Variants in NLRP9 observed in about 807,000 individuals in gnomAD.
The protein encoded by NLRP9 is NACHT, LRR and PYD domains-containing protein 9.
A neutral mutation model predicts 83.1 loss-of-function variants in NLRP9; 88 were observed. The ratio of observed to expected loss-of-function variants is 1.06; its 90% CI spans 0.89 to 1.26. The LOEUF is 1.26. Ranked by LOEUF, NLRP9 falls within the 50% of genes most tolerant of loss-of-function variation. The probability of loss-of-function intolerance (pLI) is 0.00; values close to 1 mark genes in which losing one functional copy is unlikely to be tolerated. For missense variants in NLRP9, 1,308 were observed against 1,179.3 expected (o/e 1.11, Z -1.60); for synonymous variants, 521 against 447.6 (o/e 1.16, Z -2.07).
intron 7 of NLRP9, 129 bp from the exon 8 acceptor site, chr19:55,712,099 A>G (rs1987756275): frequency 4.4e-6 from 4 of 919,484 alleles, no homozygotes; most frequent in Middle Eastern, 2.3e-4. Flanking sequence ...CTTCTCAGCC[A>G]GGACGATTGT....
In NLRP9 at chr19:55,733,298, C is replaced by A. The variant is rs1411142168; in HGVS notation, c.533G>T (p.Arg178Met). ...DWAEGNLWKD[R>M]FTFVFFLNVC... The stretch of plus-strand genomic sequence containing the variant: ...ATTGAGGAAAAACACAAATGTGAAC[C>A]TGTCCTTCCATAAGTTTCCCTCTGC... The change falls in exon 2 of 9, where the codon AGG becomes ATG. Residue 178 changes from arginine (R) to methionine (M), a missense_variant. Physicochemically the swap from Arg to Met is moderately conservative, Grantham distance 91 (BLOSUM62 -1). Transcript: ENST00000332836. 8.7e-6 allele frequency: 14 copies of A among 1,614,042 alleles called. No individual in the cohort carries two copies. The highest frequency in any genetic ancestry group is 1.2e-5 in the Non-Finnish European group (14 of 1,179,878).
intron 3 of NLRP9, among the ~76,000 whole-genome samples, chr19:55,725,059 C>CA (rs892540998): frequency 9.2e-5 from 14 of 151,394 alleles, no homozygotes; most frequent in Non-Finnish European, 1.8e-4. Flanking sequence ...AACTGTGTCT[C>CA]AAAAAAAAGA....
rs759583921 is a variant in NLRP9 at position 55,715,067 on chromosome 19, A to G, written c.2489T>C (p.Ile830Thr). The change falls in exon 6 of 9, where the codon ATA becomes ACA. Residue 830 changes from isoleucine to threonine, a missense_variant. By Grantham distance (89) the Ile-to-Thr change is moderately conservative. Transcript: ENST00000332836. ...CAALKHPGCS[I>T]RELWLMGCFL... ...TGGCCGGTCCTACCACAGCTCCCGT[A>G]TGCTGCAGCCTGGGTGCTTCAGCGC... 7.4e-6 allele frequency: 12 copies of G among 1,610,850 alleles called. No individual in the cohort carries two copies. In the Admixed American group the frequency reaches 1.8e-4, roughly 25 times the overall value.
intron 3 of NLRP9, 22 bp from the exon 4 acceptor site, chr19:55,724,166 A>AG (rs1988328323): frequency 1.3e-6 from 2 of 1,556,360 alleles, no homozygotes; most frequent in Admixed American, 3.5e-5. Context: ...TAAAAAAAAA[A>AG]TAGCATCATG....
chr19:55,719,042 G>C (rs111299396), intron 4 of NLRP9, among the ~76,000 whole-genome samples: 168 of 152,324 alleles, frequency 1.1e-3, no homozygotes, highest in African/African-American at 3.8e-3. Flanking sequence ...CCACACGGTA[G>C]GAGCTCAGTC....
rs1239402181 is a variant in NLRP9, at chr19:55,720,344, A to C, written c.2160-3446T>G. Reference sequence around the variant, plus strand: ...TTGGAAACAATTATTTTCTTTTGAGACGTGGTCTCACCCTGTCACTCAGGT... The same window carrying C: ...TTGGAAACAATTATTTTCTTTTGAGCCGTGGTCTCACCCTGTCACTCAGGT... On this transcript the variant is annotated intron_variant, in intron 4 of 8. Coordinates refer to ENST00000332836, the MANE Select transcript of NLRP9 (RefSeq NM_176820.4). Among the ~76,000 whole-genome samples, 3 of 152,136 alleles carry C rather than the reference A, an allele frequency of 2.0e-5. No individual in the cohort carries two copies. The East Asian group carries it at 5.8e-4, about 29-fold the overall frequency.
intron 6 of NLRP9, 131 bp downstream of exon 6, chr19:55,714,924 G>A (rs1200098071): frequency 3.7e-6 from 3 of 802,486 alleles, no homozygotes; most frequent in Non-Finnish European, 5.9e-6. Flanking sequence ...TGGGGGTGAG[G>A]ACCCAACATA....
At chr19:55,736,387 T>C (rs928804767) in intron 1 of NLRP9, among the ~76,000 whole-genome samples, 1 of 152,004 alleles carries the variant, frequency 6.6e-6, no homozygotes, top group African/African-American at 2.4e-5. Flanking sequence ...CGAGACTCCG[T>C]CTCAAAAAAG....
intron 6 of NLRP9, 136 bp from the exon 7 acceptor site, chr19:55,712,726 G>C (rs1234829696): frequency 3.6e-5 from 20 of 554,396 alleles, no homozygotes; most frequent in South Asian, 3.5e-4. Context: ...GGAGGGGAAG[G>C]AGGAGAGAAG....
Position 55,711,103 on chromosome 19 carries a change from C to CAA in NLRP9, c.2843+695_2843+696dup, listed in dbSNP as rs1399591300. Among the ~76,000 whole-genome samples, 297 of 122,236 alleles carry CAA rather than the reference C, an allele frequency of 2.4e-3. 1 individual carries two copies. Among genetic ancestry groups the CAA allele is most frequent in the Non-Finnish European group, 4.1e-3 (241 of 58,932 alleles). The allele number at this position is 122,236 out of a possible 152,430, so 80.2% of individuals were successfully genotyped here. A position where few individuals can be genotyped will look rare whatever the true frequency, so the allele number is the denominator to read the frequency against. On this transcript the variant is annotated intron_variant, in intron 8 of 8. Coordinates refer to ENST00000332836, the MANE Select transcript of NLRP9 (RefSeq NM_176820.4). ...TCTGCCTCAAAAAAACAAAACAAAA[C>CAA]AAAACAAAAAAAAAACCTTAAACAA... is the stretch of plus-strand genomic sequence containing the variant.
In NLRP9 at chr19:55,730,007, A is replaced by G; in HGVS notation, c.1833-15T>C. 9 of 1,606,286 alleles carry G rather than the reference A, an allele frequency of 5.6e-6. No individual in the cohort carries two copies. The highest frequency in any genetic ancestry group is 6.0e-6 in the Non-Finnish European group (7 of 1,176,184). On this transcript the variant is annotated splice_polypyrimidine_tract_variant and intron_variant, in intron 2 of 8. Transcript: ENST00000332836. ...TCTCATTGTAACTATGAGAGAACAA[A>G]GATTGTGATTCTCCAGTGGCTAAAC...
At chr19:55,714,793 C>T (rs564961743) in intron 6 of NLRP9, among the ~76,000 whole-genome samples, 4 of 152,230 alleles carry the variant, frequency 2.6e-5, no homozygotes, top group Admixed American at 6.6e-5. Context: ...CATTTTCTCA[C>T]GGCGTCCACA....
intron 3 of NLRP9, among the ~76,000 whole-genome samples, chr19:55,726,928 C>A (rs1480752645): frequency 6.6e-6 from 1 of 152,178 alleles, no homozygotes; most frequent in Non-Finnish European, 1.5e-5. Flanking sequence ...CTGTCTCTAT[C>A]ATTTCTGGAC....
chr19:55,723,406 C>T (rs1022221783), intron 4 of NLRP9, among the ~76,000 whole-genome samples: 5 of 151,988 alleles, frequency 3.3e-5, no homozygotes, highest in African/African-American at 4.8e-5. Context: ...AGGGCAGAAC[C>T]AGGAAGTATC....
chr19:55,732,409 G>T lies in NLRP9; in HGVS notation c.1422C>A (p.Thr474=), dbSNP rs1285237786. The T allele has an allele frequency of 6.2e-7, 1 of 1,614,072 alleles. No individual in the cohort carries two copies. The highest frequency in any genetic ancestry group is 1.3e-5 in the African/African-American group (1 of 74,918). The change falls in exon 2 of 9, where the codon ACC becomes ACA. Residue 474 remains threonine, a synonymous_variant. Transcript: ENST00000332836. ...GAACCACACTTGCTCTTACAAGCTG[G>T]GTTATGCTTCCAATGGCCGGGTTAG... The part of the protein sequence containing the change: ...DDPNPAIGSI[T]QLVRASVVQP...
chr19:55,731,741 A>T (rs894853930), intron 2 of NLRP9, among the ~76,000 whole-genome samples: 1 of 133,806 alleles, frequency 7.5e-6, no homozygotes, highest in Non-Finnish European at 1.6e-5. Context: ...AAAAAAAAAA[A>T]GTCCTGCTAG....
Position 55,729,831 on chromosome 19 carries a change from A to T in NLRP9, c.1994T>A (p.Ile665Lys). 2 of 1,609,828 alleles carry T rather than the reference A, an allele frequency of 1.2e-6. No homozygotes were observed. Among genetic ancestry groups the T allele is most frequent in the South Asian group, 1.1e-5 (1 of 90,652 alleles). ...AAGGACAGGTTAACATAAAACTTAC[A>T]TGAGTTTTCGGAGTTTACAAACAGG... ...AQPVCKLRKL[I>K]FTSVYFGHDS... Residue 665 changes from isoleucine to lysine, a missense_variant and splice_region_variant, in exon 3 of 9, where the codon ATA becomes AAA. By Grantham distance (102) the Ile-to-Lys change is moderately radical. Transcript: ENST00000332836.
chr19:55,717,555 C>T lies in NLRP9; in HGVS notation c.2160-657G>A, dbSNP rs143727222. ...CGTCCTTTAGTGAACAGGACAGACC[C>T]TGCCACAAAGAAGTATCCAGAACTC... is the stretch of plus-strand genomic sequence containing the variant. On this transcript the variant is annotated intron_variant, in intron 4 of 8. Coordinates refer to ENST00000332836, the MANE Select transcript of NLRP9 (RefSeq NM_176820.4). Among the ~76,000 whole-genome samples the T allele has an allele frequency of 2.9e-3, 444 of 152,314 alleles. 1 individual carries two copies. The highest frequency in any genetic ancestry group is 0.01 in the African/African-American group (422 of 41,584).
At chr19:55,726,968 C>T (rs1988420786) in intron 3 of NLRP9, among the ~76,000 whole-genome samples, 1 of 152,198 alleles carries the variant, frequency 6.6e-6, no homozygotes, top group South Asian at 2.1e-4. Context: ...GATGTTTTTA[C>T]TAGACACTGA....
Sources: allele counts gnomAD v4.1 joint callset (sites outside exome capture counted in the v4.1 genomes callset), GRCh38; gene constraint gnomAD v4.1.1; transcripts MANE v1.5; gene names NCBI Gene and HGNC (gene_info 2026-07-23, HGNC 2026-07-21).